NCAPD3: variants seen among roughly 807,000 people sequenced by gnomAD.
NCAPD3 encodes the protein condensin-2 complex subunit D3.
A neutral mutation model predicts 182.9 loss-of-function variants in NCAPD3; 105 were observed. The observed-to-expected ratio is 0.57, with a 90% CI of 0.49 to 0.68. The LOEUF is 0.68. NCAPD3 is among the 30% of genes least tolerant of loss of function. The probability of loss-of-function intolerance (pLI) is 0.00; values close to 1 mark genes in which losing one functional copy is unlikely to be tolerated. For missense variants in NCAPD3, 1,944 were observed against 1,837.0 expected (o/e 1.06, Z -1.07); for synonymous variants, 815 against 679.9 (o/e 1.20, Z -3.09).
chr11:134,200,588 T>C (rs1178062219), intron 13 of NCAPD3, among the ~76,000 whole-genome samples: 1 of 152,050 alleles, frequency 6.6e-6, no homozygotes, highest in East Asian at 1.9e-4. Flanking sequence ...CAAGTGTTGG[T>C]AGGAATGCAG....
chr11:134,202,182 T>C (rs905935428), intron 13 of NCAPD3, among the ~76,000 whole-genome samples: 13 of 152,218 alleles, frequency 8.5e-5, no homozygotes, highest in African/African-American at 3.1e-4. Flanking sequence ...ATTAATCCTC[T>C]ACGTACATGC....
chr11:134,210,140 T>G, intron 4 of NCAPD3, 130 bp downstream of exon 4: 1 of 698,146 alleles, frequency 1.4e-6, no homozygotes, highest in Non-Finnish European at 2.4e-6. Context: ...CAGTATTGGA[T>G]AGCTTATGAT....
chr11:134,222,634 A>AT, intron 1 of NCAPD3, among the ~76,000 whole-genome samples: 1 of 152,368 alleles, frequency 6.6e-6, no homozygotes, highest in African/African-American at 2.4e-5. Context: ...AAAATAATAG[A>AT]TATGTAAAAT....
intron 7 of NCAPD3, among the ~76,000 whole-genome samples, chr11:134,207,021 T>C (rs1258550684): frequency 1.3e-5 from 2 of 152,186 alleles, no homozygotes; most frequent in African/African-American, 2.4e-5. Context: ...TTAGGACAAA[T>C]AGGGAATTAA....
intron 23 of NCAPD3, among the ~76,000 whole-genome samples, chr11:134,176,797 C>T (rs371329281): frequency 3.3e-5 from 5 of 152,252 alleles, no homozygotes; most frequent in East Asian, 1.9e-4. Context: ...TAGGTTTTTC[C>T]GCACACGGAA....
chr11:134,223,981 G>C, upstream of NCAPD3: 1 of 1,582,538 alleles, frequency 6.3e-7, no homozygotes, highest in Non-Finnish European at 8.6e-7. Context: ...GCTCGCTCCC[G>C]CGCGCGCGCC....
chr11:134,215,778 G>A (rs1937995572), intron 3 of NCAPD3, among the ~76,000 whole-genome samples: 1 of 152,116 alleles, frequency 6.6e-6, no homozygotes, highest in East Asian at 1.9e-4. Context: ...CTTTTTTATT[G>A]TTGCAGAAAT....
intron 1 of NCAPD3, chr11:134,223,222 T>C: frequency 1.7e-6 from 1 of 576,798 alleles, no homozygotes; most frequent in East Asian, 2.8e-5. Context: ...GGGGATGGGC[T>C]GGCACAGTTA....
chr11:134,200,912 TG>T (rs1944733695), intron 13 of NCAPD3, among the ~76,000 whole-genome samples: 1 of 152,172 alleles, frequency 6.6e-6, no homozygotes, highest in Non-Finnish European at 1.5e-5. Flanking sequence ...AATGAAGTAC[TG>T]ATAGATGCTA....
intron 16 of NCAPD3, among the ~76,000 whole-genome samples, chr11:134,190,249 C>T (rs534373072): frequency 6.6e-6 from 1 of 152,278 alleles, no homozygotes; most frequent in Non-Finnish European, 1.5e-5. Flanking sequence ...TCTCTAATCT[C>T]CTCCTATCCA....
intron 27 of NCAPD3, among the ~76,000 whole-genome samples, chr11:134,165,159 T>C (rs188298264): frequency 0.025 from 3,718 of 147,588 alleles, 158 homozygotes; most frequent in African/African-American, 0.089. Flanking sequence ...ACTTGTGAGA[T>C]GAGCTGAGGA....
At chr11:134,173,865 G>A (rs1944086477) in intron 24 of NCAPD3, among the ~76,000 whole-genome samples, 1 of 151,856 alleles carries the variant, frequency 6.6e-6, no homozygotes, top group South Asian at 2.1e-4. Flanking sequence ...GGAGGCTGAG[G>A]CAGGAGAATC....
chr11:134,184,116 TTC>T (rs1944350007), intron 19 of NCAPD3, among the ~76,000 whole-genome samples: 2 of 152,338 alleles, frequency 1.3e-5, no homozygotes, highest in South Asian at 4.1e-4. Context: ...TGATGTGGAT[TTC>T]TGTTTATATA....
At chr11:134,208,340 G>A (rs946109286) in intron 7 of NCAPD3, among the ~76,000 whole-genome samples, 1 of 152,174 alleles carries the variant, frequency 6.6e-6, no homozygotes, top group Non-Finnish European at 1.5e-5. Context: ...TGGCGTTCAG[G>A]TAACCTGGAG....
chr11:134,173,120 CCT>C (rs1323454502), intron 24 of NCAPD3: 8 of 153,662 alleles, frequency 5.2e-5, no homozygotes, highest in African/African-American at 9.7e-5. Flanking sequence ...AGCTCTAGCC[CCT>C]GTGGCCAGCC....
chr11:134,224,262 G>C (rs1938365620), upstream of NCAPD3: 1 of 425,154 alleles, frequency 2.4e-6, no homozygotes, highest in Non-Finnish European at 4.3e-6. Context: ...ATCTGAGATA[G>C]GGTACTTCCG....
rs1157524938 is a variant in NCAPD3, at chr11:134,178,873, T to C, written c.2623A>G (p.Ile875Val). 6.2e-7 allele frequency: 1 copy of C among 1,614,142 alleles called. No homozygotes were observed. The highest frequency in any genetic ancestry group is 2.2e-5 in the East Asian group (1 of 44,890). ...AGGACGGACTGAATCAGAAGGAAGA[T>C]GCGCTTCTCCACCCTGGCTGGACAC... is the stretch of plus-strand genomic sequence containing the variant. ...QLCPARVEKR[I>V]FLLIQSVLAS... Residue 875 changes from isoleucine to valine, a missense_variant, in exon 21 of 35, where the codon ATC becomes GTC. Physicochemically the swap from Ile to Val is conservative, Grantham distance 29. Transcript: ENST00000534548.
At position 134,178,652 on chromosome 11, in the gene NCAPD3, G is replaced by T; in HGVS notation, c.2764C>A (p.His922Asn). The change falls in exon 22 of 35, where the codon CAT becomes AAT. Residue 922 changes from histidine (H) to asparagine (N), a missense_variant. His to Asn is a moderately conservative substitution (Grantham distance 68). Around this residue, in one of 3 missense-constraint regions of NCAPD3, gnomAD observed 1,803 missense variants for 1,674.6 expected, o/e 1.08. Transcript: ENST00000534548. ...GSVMPSVIRAHAIITLGKLCL... is the reference protein window; with the variant it reads ...GSVMPSVIRANAIITLGKLCL... The stretch of plus-strand genomic sequence containing the variant: ...TTCTTACCTAAGGTAATGATGGCAT[G>T]TGCTCTAATCACAGAGGGCATGACA... The T allele has an allele frequency of 1.3e-6, 2 of 1,565,034 alleles. No homozygotes were observed. The highest frequency in any genetic ancestry group is 1.7e-6 in the Non-Finnish European group (2 of 1,154,226).
Position 134,153,049 on chromosome 11 carries a change from G to A in NCAPD3, c.4392C>T (p.Pro1464=), listed in dbSNP as rs201978239. ...ILCLSLPDKP[P]PQPQQWNVRS... ...GCACATTCCACTGCTGAGGCTGTGG[G>A]GGCCTAGGGAAAGGACATGTGCAGT... Residue 1464 remains proline (P), a synonymous_variant, in exon 35 of 35, where the codon CCC becomes CCT. Transcript: ENST00000534548. 3 of 1,603,614 alleles carry A rather than the reference G, an allele frequency of 1.9e-6. No individual in the cohort carries two copies. Among genetic ancestry groups the A allele is most frequent in the South Asian group, 1.1e-5 (1 of 90,176 alleles).
Sources: allele counts gnomAD v4.1 joint callset (sites outside exome capture counted in the v4.1 genomes callset), GRCh38; gene constraint gnomAD v4.1.1; regional missense constraint gnomAD v4.1.1; transcripts MANE v1.5; gene names NCBI Gene and HGNC (gene_info 2026-07-23, HGNC 2026-07-21).